COL12A1: variants seen among roughly 807,000 people sequenced by gnomAD.
COL12A1 encodes the protein collagen alpha-1(XII) chain.
Under a neutral mutation model 349.7 loss-of-function variants are expected in COL12A1, and 114 were observed. The ratio of observed to expected loss-of-function variants is 0.33; its 90% CI spans 0.28 to 0.38. The LOEUF (loss-of-function observed/expected upper bound fraction) is 0.38. Ranked by LOEUF, COL12A1 falls within the 10% of genes least tolerant of loss-of-function variation. The pLI is 1.00. For missense variants in COL12A1, 3,284 were observed against 3,756.9 expected (o/e 0.87, Z 3.29); for synonymous variants, 1,369 against 1,329.0 (o/e 1.03, Z -0.66).
In COL12A1 at chr6:75,102,649, T is replaced by C; in HGVS notation, c.8363A>G (p.Gln2788Arg). 1.3e-6 allele frequency: 2 copies of C among 1,573,570 alleles called. No homozygotes were observed. The highest frequency in any genetic ancestry group is 1.9e-5 in the Admixed American group (1 of 53,582). The change falls in exon 56 of 66, where the codon CAG becomes CGG. Residue 2788 changes from glutamine (Q) to arginine (R), a missense_variant. Gln to Arg is a conservative substitution (Grantham distance 43). Transcript: ENST00000322507. ...GGGTCCCTGAGGGCCTGGAGGACCC[T>C]GGGGGCCTGGAGGACCTATGTCTCC... is the stretch of plus-strand genomic sequence containing the variant. ...PRGDIGPPGP[Q>R]GPPGPQGPNG...
At chr6:75,167,097 G>T (rs1768347754) in intron 13 of COL12A1, among the ~76,000 whole-genome samples, 1 of 152,084 alleles carries the variant, frequency 6.6e-6, no homozygotes, top group South Asian at 2.1e-4. Context: ...AGCTCTTGAG[G>T]TTAATTCCCA....
intron 10 of COL12A1, among the ~76,000 whole-genome samples, chr6:75,182,133 A>G (rs1403447060): frequency 3.3e-5 from 5 of 151,862 alleles, no homozygotes; most frequent in Non-Finnish European, 1.5e-5. Context: ...AGTACATAGG[A>G]AAGCCAACTG....
Position 75,192,345 on chromosome 6 carries a change from A to G in COL12A1, c.201T>C (p.Thr67=). 6.2e-7 allele frequency: 1 copy of G among 1,611,008 alleles called. No homozygotes were observed. The highest frequency in any genetic ancestry group is 8.5e-7 in the Non-Finnish European group (1 of 1,178,318). ...ITVDPTTDGP[T]KEFTLSASTT... The stretch of plus-strand genomic sequence containing the variant: ...TACTAGCTGAAAGGGTAAATTCTTT[A>G]GTAGGCCCATCTGGAAATATAAAAA... The change falls in exon 4 of 66, where the codon ACT becomes ACC. Residue 67 remains threonine (T), a synonymous_variant. Transcript: ENST00000322507.
chr6:75,172,158 C>T (rs944697269), intron 13 of COL12A1, among the ~76,000 whole-genome samples: 6 of 152,008 alleles, frequency 3.9e-5, no homozygotes, highest in African/African-American at 1.5e-4. Flanking sequence ...CTCACACATG[C>T]GTACAAGTTG....
At chr6:75,162,408 G>A (rs1267120921) in intron 14 of COL12A1, among the ~76,000 whole-genome samples, 1 of 152,174 alleles carries the variant, frequency 6.6e-6, no homozygotes, top group Non-Finnish European at 1.5e-5. Context: ...AAGCAATGGG[G>A]AAAGGATTCC....
In COL12A1 at chr6:75,085,253, TGCA is replaced by T; in HGVS notation, c.*1291_*1293del. 1 of 470,866 alleles carries T rather than the reference TGCA, an allele frequency of 2.1e-6. No homozygotes were observed. Among genetic ancestry groups the T allele is most frequent in the Non-Finnish European group, 4.4e-6 (1 of 227,058 alleles). 29.2% of individuals were successfully genotyped at this position (470,866 alleles called of 1,614,324 possible). On this transcript the variant is annotated 3_prime_UTR_variant, in exon 66 of 66. Coordinates refer to ENST00000322507, the MANE Select transcript of COL12A1 (RefSeq NM_004370.6). ...GCCGGTGGGGCTCAGGAGGCTCCTC[TGCA>T]GGCTCGTCTGCGCCGTAGTCCTCGT...
intron 22 of COL12A1, 41 bp from the exon 23 acceptor site, chr6:75,147,845 T>C: frequency 1.3e-6 from 2 of 1,596,866 alleles, no homozygotes; most frequent in Non-Finnish European, 1.7e-6. Context: ...GTATGTATAA[T>C]CAGTTCCCTT....
Position 75,139,647 on chromosome 6 carries a change from C to T in COL12A1, c.4958-686G>A, listed in dbSNP as rs182479325. 3.8e-3 allele frequency among the ~76,000 whole-genome samples: 586 copies of T among 152,246 alleles called. 2 individuals are homozygous for T. Among genetic ancestry groups the T allele is most frequent in the Non-Finnish European group, 6.5e-3 (443 of 68,010 alleles). On this transcript the variant is annotated intron_variant, in intron 27 of 65. Coordinates refer to ENST00000322507, the MANE Select transcript of COL12A1 (RefSeq NM_004370.6). The stretch of plus-strand genomic sequence containing the variant: ...AGTGAATTCCAATCTAGGAATATTG[C>T]CACAGGAAAGGAACTCTGAGCATGT...
rs1767562582 is a variant in COL12A1, at chr6:75,087,585, C to T, written c.9173G>A (p.Gly3058Asp). 1 of 1,613,758 alleles carries T rather than the reference C, an allele frequency of 6.2e-7. No homozygotes were observed. Among genetic ancestry groups the T allele is most frequent in the Non-Finnish European group, 8.5e-7 (1 of 1,179,916 alleles). ...CAATGGCAACAACGTACCTGGATAG[C>T]CTTGCCCGTTGTATGGGATGCTGGC... The part of the protein sequence containing the change: ...QCASIPYNGQ[G>D]YPGSG The change falls in exon 65 of 66, where the codon GGC becomes GAC. Residue 3058 changes from glycine to aspartate, a missense_variant. Around this residue, in one of 2 missense-constraint regions of COL12A1, gnomAD observed 683 missense variants for 932.1 expected, o/e 0.73. Transcript: ENST00000322507.
chr6:75,128,041 A>G (rs1222369484), intron 38 of COL12A1, among the ~76,000 whole-genome samples: 1 of 152,194 alleles, frequency 6.6e-6, no homozygotes, highest in African/African-American at 2.4e-5. Flanking sequence ...AAATAAAACT[A>G]TCTTAAGCGA....
Position 75,126,475 on chromosome 6 carries a change from A to T in COL12A1, c.6341-5T>A. 1 of 1,608,746 alleles carries T rather than the reference A, an allele frequency of 6.2e-7. No individual in the cohort carries two copies. Among genetic ancestry groups the T allele is most frequent in the Non-Finnish European group, 8.5e-7 (1 of 1,176,138 alleles). ...TCTGAGGAGGAAGGAGTCCCACTGAAAACAAACATTGACACACATTACTGA... is the reference window on the plus strand; with the variant it reads ...TCTGAGGAGGAAGGAGTCCCACTGATAACAAACATTGACACACATTACTGA... On this transcript the variant is annotated splice_region_variant and splice_polypyrimidine_tract_variant and intron_variant, in intron 38 of 65. Coordinates refer to ENST00000322507, the MANE Select transcript of COL12A1 (RefSeq NM_004370.6).
chr6:75,133,375 C>T lies in COL12A1; in HGVS notation c.5712G>A (p.Gln1904=), dbSNP rs575639471. 7 of 1,612,648 alleles carry T rather than the reference C, an allele frequency of 4.3e-6. No individual in the cohort carries two copies. Among genetic ancestry groups the T allele is most frequent in the Non-Finnish European group, 5.9e-6 (7 of 1,179,166 alleles). ...NTNYAILRNL[Q]PDTSYTVTVV... ...CAGTCACAGTGTATGAGGTATCTGGCTGCAGATTCCTAAGAATGGCATAAT... is the reference window on the plus strand; with the variant it reads ...CAGTCACAGTGTATGAGGTATCTGGTTGCAGATTCCTAAGAATGGCATAAT... The change falls in exon 34 of 66, where the codon CAG becomes CAA. Residue 1904 remains glutamine (Q), a synonymous_variant. Coordinates refer to ENST00000322507, the MANE Select transcript of COL12A1 (RefSeq NM_004370.6).
At chr6:75,118,909 A>G in intron 46 of COL12A1, 134 bp downstream of exon 46, 1 of 1,148,136 alleles carries the variant, frequency 8.7e-7, no homozygotes, top group Non-Finnish European at 1.2e-6. Context: ...ATAAACTAGC[A>G]TTACGAAGGT....
chr6:75,130,713 C>T (rs1013038638), intron 36 of COL12A1, 139 bp downstream of exon 36: 36 of 1,081,246 alleles, frequency 3.3e-5, no homozygotes, highest in South Asian at 9.7e-5. Context: ...CCAATGTTTT[C>T]GCCTGGAATG....
intron 58 of COL12A1, among the ~76,000 whole-genome samples, chr6:75,098,954 A>T (rs1768180562): frequency 6.6e-6 from 1 of 152,202 alleles, no homozygotes; most frequent in Non-Finnish European, 1.5e-5. Flanking sequence ...ATTCACTCGC[A>T]ACAGCAGATC....
intron 31 of COL12A1, among the ~76,000 whole-genome samples, chr6:75,135,805 T>C (rs551943492): frequency 6.6e-6 from 1 of 152,190 alleles, no homozygotes; most frequent in South Asian, 2.1e-4. Context: ...TTTGAGGTTA[T>C]GAGAGAAAAG....
At chr6:75,154,395 G>C (rs6924261) in intron 17 of COL12A1, 21 bp downstream of exon 17, 1 of 1,605,656 alleles carries the variant, frequency 6.2e-7, no homozygotes, top group South Asian at 1.1e-5. Context: ...TTTCCTCAAG[G>C]AATGTAACTC....
chr6:75,187,414 AC>A (rs1769684584), intron 8 of COL12A1, among the ~76,000 whole-genome samples: 3 of 152,156 alleles, frequency 2.0e-5, no homozygotes, highest in African/African-American at 7.2e-5. Context: ...AGTCTGGCCT[AC>A]CCTTGCATAC....
intron 54 of COL12A1, among the ~76,000 whole-genome samples, chr6:75,104,700 G>C (rs1337941520): frequency 6.6e-6 from 1 of 152,136 alleles, no homozygotes; most frequent in East Asian, 1.9e-4. Context: ...TCTGGTCATA[G>C]TCTTCTCACT....
Sources: allele counts gnomAD v4.1 joint callset (sites outside exome capture counted in the v4.1 genomes callset), GRCh38; gene constraint gnomAD v4.1.1; regional missense constraint gnomAD v4.1.1; transcripts MANE v1.5; gene names NCBI Gene and HGNC (gene_info 2026-07-23, HGNC 2026-07-21).